The following SCAMP5 variants were observed in gnomAD, a reference collection of about 807,000 sequenced individuals.
SCAMP5 encodes secretory carrier membrane protein 5, also known as secretory carrier-associated membrane protein 5.
Under a neutral mutation model 28.3 loss-of-function variants are expected in SCAMP5, and 7 were observed. That is an observed-to-expected ratio of 0.25 (90% CI 0.14 to 0.46). SCAMP5 has a LOEUF of 0.46. Among genes scored for constraint, SCAMP5 ranks in the 20% least tolerant of loss-of-function variants. SCAMP5 has a pLI of 0.99. For synonymous variants in SCAMP5, 117 were observed against 116.4 expected (o/e 1.00, Z -0.03); for missense variants, 192 against 312.5 (o/e 0.61, Z 2.91).
Position 75,016,599 on chromosome 15 carries a change from G to A in SCAMP5, c.143G>A (p.Ser48Asn), listed in dbSNP as rs749283829. ...KRLYYLWMLNSVTLAVNLVGC... is the reference protein window; with the variant it reads ...KRLYYLWMLNNVTLAVNLVGC... ...TGTGCTCCTGGGCCTGCAGTGAACA[G>A]CGTCACGCTGGCCGTGAACCTGGTG... Residue 48 changes from serine to asparagine, a missense_variant, in exon 4 of 7, where the codon AGC becomes AAC. Coordinates refer to ENST00000425597, the MANE Select transcript of SCAMP5 (RefSeq NM_138967.4). The A allele has an allele frequency of 1.9e-6, 3 of 1,612,622 alleles. No individual in the cohort carries two copies. The highest frequency in any genetic ancestry group is 2.2e-5 in the South Asian group (2 of 90,976).
In SCAMP5 at chr15:75,017,601, T is replaced by G. The variant is rs1353085764; in HGVS notation, c.294-269T>G. ...TTCCTGCCTCAGTGGAGCCATCTAT[T>G]TCTATGCCAATGAGGCCGTCCATCC... On this transcript the variant is annotated intron_variant, in intron 4 of 6. Coordinates refer to ENST00000425597, the MANE Select transcript of SCAMP5 (RefSeq NM_138967.4). 5.2e-6 allele frequency: 3 copies of G among 578,610 alleles called. No homozygotes were observed. In the East Asian group the frequency reaches 8.6e-5, roughly 17 times the overall value. The allele number at this position is 578,610 out of a possible 1,614,324, so 35.8% of individuals were successfully genotyped here. A position where few individuals can be genotyped will look rare whatever the true frequency, so the allele number is the denominator to read the frequency against.
In SCAMP5 at chr15:75,019,887, G is replaced by T. The variant is rs549868353; in HGVS notation, c.*904G>T. ...CTGAGAGTTTGATCTGCAGGGGCAG[G>T]CTCATCTTTTCTCTCCCCTGCCTTC... On this transcript the variant is annotated 3_prime_UTR_variant, in exon 7 of 7. Coordinates refer to ENST00000425597, the MANE Select transcript of SCAMP5 (RefSeq NM_138967.4). The T allele has an allele frequency of 6.6e-6, 1 of 152,502 alleles. No individual in the cohort carries two copies. The highest frequency in any genetic ancestry group is 1.9e-4 in the East Asian group (1 of 5,182). The allele number at this position is 152,502 out of a possible 1,614,324, so 9.4% of individuals were successfully genotyped here.
intron 1 of SCAMP5, among the ~76,000 whole-genome samples, chr15:75,009,635 C>T (rs1302037575): frequency 6.6e-6 from 1 of 152,084 alleles, no homozygotes; most frequent in Non-Finnish European, 1.5e-5. Context: ...CACCATCGTG[C>T]CTGCCTAATT....
rs368193195 is a variant in SCAMP5 at position 75,012,785 on chromosome 15, G to A, written c.116G>A (p.Arg39His). 6.8e-6 allele frequency: 11 copies of A among 1,614,030 alleles called. No homozygotes were observed. The highest frequency in any genetic ancestry group is 8.5e-6 in the Non-Finnish European group (10 of 1,179,892). ...CCCCAGCATGTCAGCATGACCAAGC[G>A]CCTCTACTACCTCTGGATGTGTGAG... The part of the protein sequence containing the change: ...IPPQHVSMTK[R>H]LYYLWMLNSV... The change falls in exon 3 of 7, where the codon CGC (arginine) becomes CAC (histidine). Residue 39 changes from arginine to histidine, a missense_variant. Physicochemically the swap from Arg to His is conservative, Grantham distance 29 (BLOSUM62 0). Transcript: ENST00000425597.
At chr15:75,002,729 A>C (rs1282073167) in intron 1 of SCAMP5, among the ~76,000 whole-genome samples, 1 of 140,510 alleles carries the variant, frequency 7.1e-6, no homozygotes, top group Non-Finnish European at 1.5e-5. Flanking sequence ...CAACTATCCT[A>C]TTCTGCTTGC....
intron 1 of SCAMP5, among the ~76,000 whole-genome samples, chr15:74,998,480 C>T (rs903428562): frequency 1.3e-5 from 2 of 151,898 alleles, no homozygotes; most frequent in African/African-American, 4.8e-5. Context: ...GTGGTGCACG[C>T]CTGTAATCCC....
chr15:75,007,995 C>T lies in SCAMP5; in HGVS notation c.-48-3797C>T, dbSNP rs114311355. Reference sequence around the variant, plus strand: ...AATTCCAGTCATGAACCACTGCACCCGGCCTGTTTGCAGTTATTTTTGCCC... The same window carrying T: ...AATTCCAGTCATGAACCACTGCACCTGGCCTGTTTGCAGTTATTTTTGCCC... On this transcript the variant is annotated intron_variant, in intron 1 of 6. Transcript: ENST00000425597. Among the ~76,000 whole-genome samples the T allele has an allele frequency of 3.6e-3, 546 of 152,228 alleles. 6 individuals carry two copies. The highest frequency in any genetic ancestry group is 0.013 in the African/African-American group (530 of 41,534).
rs548485390 is a variant in SCAMP5 at position 75,019,180 on chromosome 15, G to A, written c.*197G>A. 1,493 of 393,888 alleles carry A rather than the reference G, an allele frequency of 3.8e-3. 5 individuals are homozygous for A. The highest frequency in any genetic ancestry group is 4.9e-3 in the Non-Finnish European group (1,112 of 227,288). The allele number at this position is 393,888 out of a possible 1,614,324, so 24.4% of individuals were successfully genotyped here. ...CCCCACCTTTCAGATTCTGCTCTTG[G>A]CACTCAGCTGTGGGCTGCACGTGGA... is the stretch of plus-strand genomic sequence containing the variant. On this transcript the variant is annotated 3_prime_UTR_variant, in exon 7 of 7. Transcript: ENST00000425597.
At position 75,018,664 on chromosome 15, in the gene SCAMP5, C is replaced by G. The variant is rs528294472; in HGVS notation, c.514-125C>G. On this transcript the variant is annotated intron_variant, in intron 6 of 6. Coordinates refer to ENST00000425597, the MANE Select transcript of SCAMP5 (RefSeq NM_138967.4). The surrounding 1 kb of genome is among the most constrained non-coding windows in gnomAD (Gnocchi z 5.6). ...ACTCACTCTGGAATGGCCTGCAGGACTCTCCTACAGAGGCATTCATGGGGA... is the reference window on the plus strand; with the variant it reads ...ACTCACTCTGGAATGGCCTGCAGGAGTCTCCTACAGAGGCATTCATGGGGA... 6.9e-6 allele frequency: 7 copies of G among 1,018,188 alleles called. No homozygotes were observed. In the African/African-American group the frequency reaches 1.1e-4, roughly 16 times the overall value. The allele number at this position is 1,018,188 out of a possible 1,614,324, so 63.1% of individuals were successfully genotyped here.
intron 1 of SCAMP5, among the ~76,000 whole-genome samples, chr15:74,999,597 A>G (rs1440733485): frequency 6.6e-6 from 1 of 152,032 alleles, no homozygotes; most frequent in Non-Finnish European, 1.5e-5. Flanking sequence ...CCATCTCAAA[A>G]CAAAAACAAA....
intron 1 of SCAMP5, among the ~76,000 whole-genome samples, chr15:75,000,902 C>T (rs1438630298): frequency 6.6e-6 from 1 of 151,984 alleles, no homozygotes; most frequent in Non-Finnish European, 1.5e-5. Context: ...TGCTATTGCT[C>T]TTCTGACTTT....
Position 75,016,588 on chromosome 15 carries a change from T to A in SCAMP5, c.137-5T>A. On this transcript the variant is annotated splice_region_variant and splice_polypyrimidine_tract_variant and intron_variant, in intron 3 of 6. Transcript: ENST00000425597. Reference sequence around the variant, plus strand: ...CTATGTGTGCATGTGCTCCTGGGCCTGCAGTGAACAGCGTCACGCTGGCCG... The same window carrying A: ...CTATGTGTGCATGTGCTCCTGGGCCAGCAGTGAACAGCGTCACGCTGGCCG... 1 of 1,611,344 alleles carries A rather than the reference T, an allele frequency of 6.2e-7. No homozygotes were observed. The highest frequency in any genetic ancestry group is 8.5e-7 in the Non-Finnish European group (1 of 1,179,130).
chr15:75,011,669 G>C, intron 1 of SCAMP5, 123 bp from the exon 2 acceptor site: 1 of 447,512 alleles, frequency 2.2e-6, no homozygotes, highest in Non-Finnish European at 4.1e-6. Context: ...TTGCATTCAC[G>C]GCACTGTGGG....
intron 3 of SCAMP5, among the ~76,000 whole-genome samples, chr15:75,014,893 T>G (rs2065845718): frequency 6.6e-6 from 1 of 152,092 alleles, no homozygotes. Context: ...ATAAAATCAG[T>G]TTTAACACCA....
intron 1 of SCAMP5, among the ~76,000 whole-genome samples, chr15:74,998,950 C>T (rs147206373): frequency 1.7e-4 from 26 of 152,324 alleles, no homozygotes; most frequent in African/African-American, 6.0e-4. Context: ...GAGAAGACTC[C>T]TCCTTTGAGG....
intron 1 of SCAMP5, among the ~76,000 whole-genome samples, chr15:75,001,659 A>C (rs149859933): frequency 6.6e-6 from 1 of 151,990 alleles, no homozygotes; most frequent in Non-Finnish European, 1.5e-5. Context: ...TCACGAGGTC[A>C]GGAGTTGGAC....
chr15:74,995,575 C>T lies in SCAMP5; in HGVS notation c.-147C>T, dbSNP rs2065643083. ...GCGCGCGCGCGCTCCCCGCCCCCAG[C>T]CCCGGAGCGGCTCGCGGCCGGCTCC... On this transcript the variant is annotated 5_prime_UTR_variant, in exon 1 of 7. Coordinates refer to ENST00000425597, the MANE Select transcript of SCAMP5 (RefSeq NM_138967.4). 6.9e-6 allele frequency: 1 copy of T among 144,418 alleles called. No homozygotes were observed. 8.9% of individuals were successfully genotyped at this position (144,418 alleles called of 1,614,324 possible).
At chr15:74,999,737 G>A (rs1244154646) in intron 1 of SCAMP5, among the ~76,000 whole-genome samples, 3 of 152,180 alleles carry the variant, frequency 2.0e-5, no homozygotes, top group Non-Finnish European at 4.4e-5. Context: ...AGGAGACGGA[G>A]GTTGCAGTGG....
intron 1 of SCAMP5, chr15:75,009,997 T>C (rs911090535): frequency 1.3e-5 from 2 of 152,228 alleles, no homozygotes; most frequent in Non-Finnish European, 2.9e-5. Context: ...TCCAAAACTT[T>C]AAGCAAATTT....
Sources: allele counts gnomAD v4.1 joint callset (sites outside exome capture counted in the v4.1 genomes callset), GRCh38; gene constraint gnomAD v4.1.1; non-coding constraint Gnocchi (gnomAD v3.1); transcripts MANE v1.5; gene names NCBI Gene and HGNC (gene_info 2026-07-23, HGNC 2026-07-21).